The following COL23A1 variants were observed in gnomAD, a reference collection of about 807,000 sequenced individuals.
The protein encoded by COL23A1 is collagen type XXIII alpha 1 chain.
Under a neutral mutation model 99.3 loss-of-function variants are expected in COL23A1, and 97 were observed. That is an observed-to-expected ratio of 0.98 (90% CI 0.83 to 1.16). The LOEUF (loss-of-function observed/expected upper bound fraction) is 1.16, where lower values mean the gene tolerates loss of function less well. COL23A1 is among the 50% of genes most tolerant of loss of function. The pLI is 0.00. For missense variants in COL23A1, 762 were observed against 757.4 expected (o/e 1.01, Z -0.07); for synonymous variants, 320 against 308.2 (o/e 1.04, Z -0.40).
chr5:178,399,002 C>A (rs10035524), intron 2 of COL23A1, among the ~76,000 whole-genome samples: 1 of 152,218 alleles, frequency 6.6e-6, no homozygotes, highest in Middle Eastern at 3.2e-3. Context: ...TCAGCTCCAG[C>A]GTACAGCAGT....
intron 17 of COL23A1, among the ~76,000 whole-genome samples, chr5:178,252,257 T>C (rs537447548): frequency 6.6e-6 from 1 of 152,352 alleles, no homozygotes; most frequent in African/African-American, 2.4e-5. Flanking sequence ...TAATGGCCTC[T>C]GGCTGCATCC....
intron 2 of COL23A1, among the ~76,000 whole-genome samples, chr5:178,357,922 ATGTGTGTATG>A (rs1268332578): frequency 1.0e-5 from 1 of 97,628 alleles, no homozygotes. Context: ...GTGTATGTGT[ATGTGTGTATG>A]TGTATGTATG....
Position 178,354,512 on chromosome 5 carries a change from G to A in COL23A1, c.362-47593C>T, listed in dbSNP as rs73346890. On this transcript the variant is annotated intron_variant, in intron 2 of 28. Transcript: ENST00000390654. The stretch of plus-strand genomic sequence containing the variant: ...GGTGGGAGGTGACTGGATCATGGGG[G>A]TGGTTTTAATGGTTTAACACCATCC... Among the ~76,000 whole-genome samples the A allele has an allele frequency of 7.9e-3, 1,210 of 152,254 alleles. 17 individuals are homozygous for A. Among genetic ancestry groups the A allele is most frequent in the African/African-American group, 0.027 (1,131 of 41,548 alleles).
At chr5:178,343,437 A>T (rs1760781601) in intron 2 of COL23A1, among the ~76,000 whole-genome samples, 1 of 152,158 alleles carries the variant, frequency 6.6e-6, no homozygotes, top group Admixed American at 6.5e-5. Flanking sequence ...GAAACCATAA[A>T]CTTGTCGGTA....
chr5:178,276,040 T>C (rs1221927662), intron 5 of COL23A1, among the ~76,000 whole-genome samples: 2 of 152,214 alleles, frequency 1.3e-5, no homozygotes, highest in Admixed American at 1.3e-4. Flanking sequence ...CATTTGAAAC[T>C]GGTGGTCCTA....
intron 2 of COL23A1, among the ~76,000 whole-genome samples, chr5:178,448,087 C>T (rs1331943082): frequency 1.3e-5 from 2 of 152,166 alleles, no homozygotes; most frequent in African/African-American, 4.8e-5. Context: ...GCTCTCCCCT[C>T]GTGAACGGGA....
intron 2 of COL23A1, among the ~76,000 whole-genome samples, chr5:178,327,749 C>G (rs757671205): frequency 2.6e-5 from 4 of 152,134 alleles, no homozygotes; most frequent in Non-Finnish European, 5.9e-5. Context: ...CAGGACAGCA[C>G]CAACCACTGG....
intron 1 of COL23A1, among the ~76,000 whole-genome samples, chr5:178,569,866 G>A (rs1357021911): frequency 6.6e-6 from 1 of 152,160 alleles, no homozygotes; most frequent in Non-Finnish European, 1.5e-5. Context: ...CCTGACTTCA[G>A]GAGGGTCCTC....
chr5:178,291,562 G>T (rs938594518), intron 3 of COL23A1, among the ~76,000 whole-genome samples: 1 of 152,218 alleles, frequency 6.6e-6, no homozygotes, highest in African/African-American at 2.4e-5. Flanking sequence ...GCAGCAGCGG[G>T]AGGGCCGGAG....
rs1581446500 is a variant in COL23A1, at chr5:178,249,169, C to T, written c.1097G>A (p.Gly366Glu). 1.2e-6 allele frequency: 2 copies of T among 1,614,194 alleles called. No homozygotes were observed. The highest frequency in any genetic ancestry group is 1.1e-5 in the South Asian group (1 of 91,090). Reference protein sequence around the residue: ...KGQKGDPGEPGPAGLKGEAGE... With the variant: ...KGQKGDPGEPEPAGLKGEAGE... ...TGCTTCCCCTTTGAGTCCTGCTGGC[C>T]CAGGCTCTCCTGGGTCTCCTTTCTG... The change falls in exon 19 of 29, where the codon GGG becomes GAG. Residue 366 changes from glycine to glutamate, a missense_variant. Gly to Glu is a moderately conservative substitution (Grantham distance 98, BLOSUM62 -2). Coordinates refer to ENST00000390654, the MANE Select transcript of COL23A1 (RefSeq NM_173465.4).
At chr5:178,526,447 G>C (rs1760314983) in intron 2 of COL23A1, among the ~76,000 whole-genome samples, 1 of 152,194 alleles carries the variant, frequency 6.6e-6, no homozygotes, top group Non-Finnish European at 1.5e-5. Flanking sequence ...TGGTGGGGAA[G>C]TGTTTGCCTG....
intron 3 of COL23A1, among the ~76,000 whole-genome samples, chr5:178,303,763 G>A (rs989031420): frequency 6.6e-6 from 1 of 152,190 alleles, no homozygotes; most frequent in Admixed American, 6.5e-5. Context: ...AAGCATTTAT[G>A]GACCATCTCC....
In COL23A1 at chr5:178,332,189, G is replaced by A. The variant is rs185910596; in HGVS notation, c.362-25270C>T. Among the ~76,000 whole-genome samples, 8 of 152,306 alleles carry A rather than the reference G, an allele frequency of 5.3e-5. No individual in the cohort carries two copies. In the East Asian group the frequency reaches 7.7e-4, roughly 15 times the overall value. Reference sequence around the variant, plus strand: ...TCCCTTTCCAGAGCTTGGAGTGGTCGTCTGCAGCTTTTGGTCACCCTCTCC... The same window carrying A: ...TCCCTTTCCAGAGCTTGGAGTGGTCATCTGCAGCTTTTGGTCACCCTCTCC... On this transcript the variant is annotated intron_variant, in intron 2 of 28. Transcript: ENST00000390654.
intron 2 of COL23A1, chr5:178,344,991 C>A: frequency 1.7e-6 from 1 of 580,838 alleles, no homozygotes; most frequent in South Asian, 1.5e-5. Context: ...GAACCTATTG[C>A]AGTGTGTCCA....
chr5:178,397,398 G>A (rs772394245), intron 2 of COL23A1, among the ~76,000 whole-genome samples: 1 of 152,214 alleles, frequency 6.6e-6, no homozygotes, highest in Non-Finnish European at 1.5e-5. Flanking sequence ...TCAGACATAT[G>A]TTTCGGGGGA....
Position 178,296,417 on chromosome 5 carries a change from C to A in COL23A1, c.407-6048G>T, listed in dbSNP as rs1233278201. ...AGGAAACTGAGGCCCAGAAAGGCTA[C>A]CATGCCCAGGGTCATGTCCTCTTCT... On this transcript the variant is annotated intron_variant, in intron 3 of 28. Coordinates refer to ENST00000390654, the MANE Select transcript of COL23A1 (RefSeq NM_173465.4). 2.6e-4 allele frequency among the ~76,000 whole-genome samples: 40 copies of A among 152,180 alleles called. 1 individual carries two copies. Among genetic ancestry groups the A allele is most frequent in the Admixed American group, 2.6e-3 (40 of 15,278 alleles).
intron 2 of COL23A1, among the ~76,000 whole-genome samples, chr5:178,494,286 G>A (rs1758081955): frequency 6.6e-6 from 1 of 152,200 alleles, no homozygotes; most frequent in Admixed American, 6.5e-5. Context: ...GACCAAGCCA[G>A]ACAGCACACA....
At chr5:178,559,229 G>C (rs1003363273) in intron 2 of COL23A1, among the ~76,000 whole-genome samples, 3 of 152,186 alleles carry the variant, frequency 2.0e-5, no homozygotes, top group Non-Finnish European at 4.4e-5. Flanking sequence ...CTCAGAGACG[G>C]AATTTTCACA....
chr5:178,472,158 G>T (rs182615040), intron 2 of COL23A1, among the ~76,000 whole-genome samples: 1 of 152,258 alleles, frequency 6.6e-6, no homozygotes, highest in East Asian at 1.9e-4. Context: ...AAAATCCTGG[G>T]TATTGTTTAA....
Sources: allele counts gnomAD v4.1 joint callset (sites outside exome capture counted in the v4.1 genomes callset), GRCh38; gene constraint gnomAD v4.1.1; transcripts MANE v1.5; gene names NCBI Gene and HGNC (gene_info 2026-07-23, HGNC 2026-07-21).